The following MGLL variants were observed in gnomAD, a reference collection of about 807,000 sequenced individuals.
MGLL encodes monoglyceride lipase.
Under a neutral mutation model 29.1 loss-of-function variants are expected in MGLL, and 7 were observed. That is an observed-to-expected ratio of 0.24 (90% CI 0.14 to 0.45). MGLL has a LOEUF of 0.45. Ranked by LOEUF, MGLL falls within the 20% of genes least tolerant of loss-of-function variation. The pLI is 0.99. For synonymous variants in MGLL, 148 were observed against 168.3 expected, an observed-to-expected ratio of 0.88 and a Z score of 0.93; for missense variants, 356 against 413.6, an observed-to-expected ratio of 0.86 and a Z score of 1.21.
Position 127,694,286 on chromosome 3 carries a change from A to AATATAT in MGLL, c.816+683_816+688dup, listed in dbSNP as rs869111063. On this transcript the variant is annotated intron_variant, in intron 7 of 7. Coordinates refer to ENST00000265052, the MANE Select transcript of MGLL (RefSeq NM_007283.7). ...CTCTGTCTGAAAAAAAAAAAAAAAAAATATATATATATATATATATATGTA... is the reference window on the plus strand; with the variant it reads ...CTCTGTCTGAAAAAAAAAAAAAAAAAATATATATATATATATATATATATATATGTA... Among the ~76,000 whole-genome samples the AATATAT allele has an allele frequency of 3.9e-3, 380 of 97,830 alleles. 2 individuals carry two copies. The highest frequency in any genetic ancestry group is 5.7e-3 in the Admixed American group (47 of 8,196). 64.2% of individuals were successfully genotyped at this position (97,830 alleles called of 152,430 possible).
intron 3 of MGLL, among the ~76,000 whole-genome samples, chr3:127,754,530 T>C (rs2076623002): frequency 6.6e-6 from 1 of 152,164 alleles, no homozygotes; most frequent in African/African-American, 2.4e-5. Flanking sequence ...TAGGCAGCAG[T>C]ACCGCCTGTG....
intron 2 of MGLL, among the ~76,000 whole-genome samples, chr3:127,797,839 C>A (rs1183836515): frequency 1.3e-5 from 2 of 152,152 alleles, no homozygotes; most frequent in African/African-American, 4.8e-5. Flanking sequence ...ACTCCTGAGT[C>A]AAGTGATTCT....
chr3:127,775,846 C>G (rs1283206423), intron 3 of MGLL, among the ~76,000 whole-genome samples: 1 of 152,218 alleles, frequency 6.6e-6, no homozygotes, highest in Non-Finnish European at 1.5e-5. Flanking sequence ...CCCACCGTCT[C>G]TCGCAGCAGC....
At chr3:127,703,125 G>A (rs759995892) in intron 6 of MGLL, among the ~76,000 whole-genome samples, 14 of 152,234 alleles carry the variant, frequency 9.2e-5, no homozygotes, top group Non-Finnish European at 1.9e-4. Flanking sequence ...CCTTCTGCAG[G>A]GCTTCAGAGT....
At chr3:127,751,457 G>T (rs2076557224) in intron 3 of MGLL, among the ~76,000 whole-genome samples, 1 of 151,684 alleles carries the variant, frequency 6.6e-6, no homozygotes, top group South Asian at 2.1e-4. Flanking sequence ...AACCTACTGG[G>T]TGATCAGAGA....
In MGLL at chr3:127,742,116, C is replaced by T. The variant is rs115440440; in HGVS notation, c.263-19550G>A. 7.1e-3 allele frequency among the ~76,000 whole-genome samples: 1,085 copies of T among 152,272 alleles called. 10 individuals carry two copies. The highest frequency in any genetic ancestry group is 0.025 in the African/African-American group (1,053 of 41,558). ...ACGAATATTTTCATGAGTTCTAATA[C>T]ATAGAACTAAAAATGCTTTTCAACT... On this transcript the variant is annotated intron_variant, in intron 3 of 7. Transcript: ENST00000265052.
At chr3:127,710,445 C>G in intron 6 of MGLL, 131 bp downstream of exon 6, 1 of 874,164 alleles carries the variant, frequency 1.1e-6, no homozygotes, top group Non-Finnish European at 1.9e-6. Flanking sequence ...TAATGCACCA[C>G]TGTGTCCTTG....
chr3:127,763,543 G>C (rs1475460834), intron 3 of MGLL, among the ~76,000 whole-genome samples: 2 of 152,176 alleles, frequency 1.3e-5, no homozygotes, highest in Non-Finnish European at 2.9e-5. Context: ...CAGCAGCCAC[G>C]GCCATCTGGA....
intron 3 of MGLL, among the ~76,000 whole-genome samples, chr3:127,736,675 T>C (rs780837090): frequency 6.6e-6 from 1 of 152,034 alleles, no homozygotes; most frequent in African/African-American, 2.4e-5. Flanking sequence ...CTACTCCTCT[T>C]GTTTGTTTAT....
chr3:127,788,237 C>A (rs529389378), intron 2 of MGLL, among the ~76,000 whole-genome samples: 1 of 152,144 alleles, frequency 6.6e-6, no homozygotes, highest in Non-Finnish European at 1.5e-5. Flanking sequence ...ACAGCTGACA[C>A]CTTGGCCAGA....
At chr3:127,698,214 G>A (rs1228557475) in intron 6 of MGLL, among the ~76,000 whole-genome samples, 1 of 152,206 alleles carries the variant, frequency 6.6e-6, no homozygotes, top group Non-Finnish European at 1.5e-5. Flanking sequence ...CCGGAGGTGA[G>A]GGGCAGAGGG....
chr3:127,754,450 G>A (rs1338512011), intron 3 of MGLL, among the ~76,000 whole-genome samples: 4 of 151,740 alleles, frequency 2.6e-5, no homozygotes, highest in East Asian at 1.9e-4. Context: ...TCTGCTCCAC[G>A]CACCTCAACT....
At chr3:127,735,799 T>C in intron 3 of MGLL, 1 of 1,598,416 alleles carries the variant, frequency 6.3e-7, no homozygotes, top group African/African-American at 1.3e-5. Context: ...GTATAAATTC[T>C]GGCATTCTCT....
At position 127,751,230 on chromosome 3, in the gene MGLL, C is replaced by T. The variant is rs1352119373; in HGVS notation, c.263-28664G>A. Among the ~76,000 whole-genome samples, 3 of 152,136 alleles carry T rather than the reference C, an allele frequency of 2.0e-5. No individual in the cohort carries two copies. In the East Asian group the frequency reaches 5.8e-4, roughly 29 times the overall value. Reference sequence around the variant, plus strand: ...AGGCTGACTGCAAAAATGGCTTCAACTCCCCCTCCTCCTTCCATTTGCACC... The same window carrying T: ...AGGCTGACTGCAAAAATGGCTTCAATTCCCCCTCCTCCTTCCATTTGCACC... On this transcript the variant is annotated intron_variant, in intron 3 of 7. Transcript: ENST00000265052.
At chr3:127,692,352 G>A (rs572534248) in intron 7 of MGLL, 29 bp from the exon 8 acceptor site, 38 of 1,613,680 alleles carry the variant, frequency 2.4e-5, no homozygotes, top group African/African-American at 2.3e-4. Context: ...CGGAATCAGA[G>A]CTGCACCATC....
At chr3:127,747,915 T>C (rs1188240457) in intron 3 of MGLL, among the ~76,000 whole-genome samples, 1 of 152,142 alleles carries the variant, frequency 6.6e-6, no homozygotes, top group African/African-American at 2.4e-5. Context: ...GTCCTCCCAC[T>C]GGAACAGGAT....
intron 2 of MGLL, among the ~76,000 whole-genome samples, chr3:127,807,336 T>C (rs372149668): frequency 6.6e-5 from 10 of 152,164 alleles, no homozygotes; most frequent in African/African-American, 2.2e-4. Context: ...CATTCCTGAT[T>C]GTAGTAATTC....
At position 127,730,576 on chromosome 3, in the gene MGLL, G is replaced by A. The variant is rs190092953; in HGVS notation, c.263-8010C>T. ...TTCCCTAAATGCAGGTGCAGCTTCCGGAAGAGGAGGTGAGTCATGGAGAGC... is the reference window on the plus strand; with the variant it reads ...TTCCCTAAATGCAGGTGCAGCTTCCAGAAGAGGAGGTGAGTCATGGAGAGC... On this transcript the variant is annotated intron_variant, in intron 3 of 7. Transcript: ENST00000265052. Among the ~76,000 whole-genome samples, 62 of 152,238 alleles carry A rather than the reference G, an allele frequency of 4.1e-4. No homozygotes were observed. The East Asian group carries it at 0.011, about 27-fold the overall frequency.
Position 127,692,301 on chromosome 3 carries a change from A to C in MGLL, c.839T>G (p.Val280Gly). 1.2e-6 allele frequency: 2 copies of C among 1,614,090 alleles called. No individual in the cohort carries two copies. Among genetic ancestry groups the C allele is most frequent in the Non-Finnish European group, 1.7e-6 (2 of 1,179,974 alleles). The change falls in exon 8 of 8, where the codon GTT becomes GGT. Residue 280 changes from valine to glycine, a missense_variant. By Grantham distance (109) the Val-to-Gly change is moderately radical. Transcript: ENST00000265052. ...TLKIYEGAYH[V>G]LHKELPEVTN... The stretch of plus-strand genomic sequence containing the variant: ...GACTTCAGGAAGCTCCTTGTGGAGA[A>C]CATGGTAGGCACCTTCATAAATCTG...
Sources: allele counts gnomAD v4.1 joint callset (sites outside exome capture counted in the v4.1 genomes callset), GRCh38; gene constraint gnomAD v4.1.1; transcripts MANE v1.5; gene names NCBI Gene and HGNC (gene_info 2026-07-23, HGNC 2026-07-21).